The following CWC27 variants were observed in gnomAD, a reference collection of about 807,000 sequenced individuals.
The protein encoded by CWC27 is CWC27 spliceosome associated cyclophilin, also known as spliceosome-associated protein CWC27 homolog.
Under a neutral mutation model 63.6 loss-of-function variants are expected in CWC27, and 47 were observed. The observed-to-expected ratio is 0.74, with a 90% CI of 0.58 to 0.94. The LOEUF is 0.94. CWC27 is among the 40% of genes least tolerant of loss of function. The probability of loss-of-function intolerance (pLI) is 0.00; values close to 1 mark genes in which losing one functional copy is unlikely to be tolerated. For synonymous variants in CWC27, 175 were observed against 179.8 expected (o/e 0.97, Z 0.22); for missense variants, 495 against 554.3 (o/e 0.89, Z 1.07).
chr5:64,965,516 T>A (rs1748996538), intron 11 of CWC27, among the ~76,000 whole-genome samples: 5 of 152,158 alleles, frequency 3.3e-5, no homozygotes, highest in Admixed American at 3.3e-4. Flanking sequence ...TCATTAAGAA[T>A]GGAATATAAT....
chr5:64,944,286 G>A (rs1057018901), intron 11 of CWC27, among the ~76,000 whole-genome samples: 1 of 150,986 alleles, frequency 6.6e-6, no homozygotes. Context: ...ATACATGCTT[G>A]TCATCTCCAA....
intron 10 of CWC27, among the ~76,000 whole-genome samples, chr5:64,875,405 T>C (rs959734286): frequency 6.6e-6 from 1 of 152,118 alleles, no homozygotes; most frequent in South Asian, 2.1e-4. Context: ...CATAGAACAT[T>C]AGCTCTCAGA....
chr5:64,918,704 C>T (rs763073533), intron 11 of CWC27, among the ~76,000 whole-genome samples: 4 of 152,068 alleles, frequency 2.6e-5, no homozygotes, highest in Non-Finnish European at 2.9e-5. Flanking sequence ...TCAGTTTTAA[C>T]AAATGTAATG....
chr5:64,852,324 T>C (rs1746151625), intron 10 of CWC27, among the ~76,000 whole-genome samples: 1 of 152,154 alleles, frequency 6.6e-6, no homozygotes, highest in South Asian at 2.1e-4. Flanking sequence ...GAAAATGAAA[T>C]AAATGGCTAC....
At chr5:64,967,766 C>T (rs373104224) in intron 11 of CWC27, among the ~76,000 whole-genome samples, 2 of 151,710 alleles carry the variant, frequency 1.3e-5, no homozygotes, top group African/African-American at 4.8e-5. Flanking sequence ...TAAAAATCAA[C>T]TTGAAATAAA....
At chr5:64,770,127 C>G (rs934723342) in intron 1 of CWC27, among the ~76,000 whole-genome samples, 2 of 152,146 alleles carry the variant, frequency 1.3e-5, no homozygotes, top group African/African-American at 4.8e-5. Context: ...ATAATTTATA[C>G]AGTCTTTTAT....
At chr5:64,975,551 C>G (rs1285540860) in intron 12 of CWC27, among the ~76,000 whole-genome samples, 1 of 151,888 alleles carries the variant, frequency 6.6e-6, no homozygotes, top group East Asian at 1.9e-4. Flanking sequence ...TGCTCAAATT[C>G]TGGAGTAGAC....
chr5:64,990,666 G>A (rs535004018), intron 13 of CWC27, among the ~76,000 whole-genome samples: 1 of 152,254 alleles, frequency 6.6e-6, no homozygotes, highest in South Asian at 2.1e-4. Context: ...CAGATACTGA[G>A]CCTTTTGTAC....
At chr5:64,988,559 T>C (rs1448795205) in intron 13 of CWC27, among the ~76,000 whole-genome samples, 1 of 151,950 alleles carries the variant, frequency 6.6e-6, no homozygotes, top group Non-Finnish European at 1.5e-5. Context: ...CTGTCCCATG[T>C]ATACGCCACC....
chr5:64,869,479 T>A (rs531429376), intron 10 of CWC27, among the ~76,000 whole-genome samples: 3 of 152,180 alleles, frequency 2.0e-5, no homozygotes, highest in African/African-American at 7.2e-5. Context: ...GTCCTGTTTG[T>A]CTGCCAGGTG....
chr5:64,901,683 G>A (rs757471066), intron 11 of CWC27, among the ~76,000 whole-genome samples: 10 of 151,940 alleles, frequency 6.6e-5, no homozygotes, highest in Admixed American at 2.0e-4. Flanking sequence ...TAACAACTTC[G>A]GCTTACTGTA....
intron 13 of CWC27, among the ~76,000 whole-genome samples, chr5:64,998,929 T>C (rs1749685387): frequency 6.6e-6 from 1 of 151,976 alleles, no homozygotes; most frequent in Non-Finnish European, 1.5e-5. Context: ...TAACTATTTC[T>C]GTTTCCTATT....
At chr5:64,913,179 C>T (rs1015983885) in intron 11 of CWC27, among the ~76,000 whole-genome samples, 4 of 151,990 alleles carry the variant, frequency 2.6e-5, no homozygotes, top group African/African-American at 9.7e-5. Context: ...GGAGAGAAAA[C>T]ATTTAACAAA....
chr5:64,956,517 A>G (rs906091243), intron 11 of CWC27, among the ~76,000 whole-genome samples: 38 of 152,060 alleles, frequency 2.5e-4, no homozygotes, highest in Admixed American at 2.4e-3. Flanking sequence ...ATGCCCACTT[A>G]TGCTGCCACT....
chr5:65,000,846 T>C (rs1215541625), intron 13 of CWC27, among the ~76,000 whole-genome samples: 1 of 152,146 alleles, frequency 6.6e-6, no homozygotes, highest in Non-Finnish European at 1.5e-5. Context: ...AGGATTTTTT[T>C]TCTATTTGTA....
At chr5:64,868,848 C>G (rs1280088739) in intron 10 of CWC27, among the ~76,000 whole-genome samples, 2 of 151,938 alleles carry the variant, frequency 1.3e-5, no homozygotes, top group African/African-American at 4.8e-5. Context: ...TGAAGCGTTG[C>G]CTCATTGCCT....
intron 13 of CWC27, among the ~76,000 whole-genome samples, chr5:64,993,761 A>G (rs1749583115): frequency 6.6e-6 from 1 of 152,162 alleles, no homozygotes; most frequent in Non-Finnish European, 1.5e-5. Flanking sequence ...TTAAGGAGCA[A>G]AGTTCCTTGG....
chr5:64,958,870 T>C (rs1029578746), intron 11 of CWC27, among the ~76,000 whole-genome samples: 1 of 152,168 alleles, frequency 6.6e-6, no homozygotes, highest in Non-Finnish European at 1.5e-5. Context: ...GAATTACACA[T>C]AATCAGTGTT....
chr5:65,001,071 G>A (rs1749723758), intron 13 of CWC27, among the ~76,000 whole-genome samples: 1 of 151,952 alleles, frequency 6.6e-6, no homozygotes, highest in Non-Finnish European at 1.5e-5. Context: ...TGGTGTGTGT[G>A]TGTGTGTCGC....
Sources: allele counts gnomAD v4.1 joint callset (sites outside exome capture counted in the v4.1 genomes callset), GRCh38; gene constraint gnomAD v4.1.1; transcripts MANE v1.5; gene names NCBI Gene and HGNC (gene_info 2026-07-23, HGNC 2026-07-21).